Variants in ERBIN observed in about 807,000 individuals in gnomAD.
ERBIN encodes densin-180-like protein.
Under a neutral mutation model 158.4 loss-of-function variants are expected in ERBIN, and 60 were observed. That is an observed-to-expected ratio of 0.38 (90% confidence interval 0.31 to 0.47). The LOEUF (loss-of-function observed/expected upper bound fraction) is 0.47. Among genes scored for constraint, ERBIN ranks in the 20% least tolerant of loss-of-function variants. The pLI is 0.99. For synonymous variants in ERBIN, 594 were observed against 557.2 expected (o/e 1.07, Z -0.93); for missense variants, 1,610 against 1,648.0 (o/e 0.98, Z 0.40).
At chr5:65,980,420 T>C (rs1580238109) in intron 1 of ERBIN, among the ~76,000 whole-genome samples, 1 of 151,990 alleles carries the variant, frequency 6.6e-6, no homozygotes, top group Non-Finnish European at 1.5e-5. Context: ...AAAGCAAGAC[T>C]CCGTCTCAAA....
At chr5:65,960,969 A>G (rs548259226) in intron 1 of ERBIN, among the ~76,000 whole-genome samples, 1 of 152,146 alleles carries the variant, frequency 6.6e-6, no homozygotes, top group South Asian at 2.1e-4. Context: ...GTTATCATGT[A>G]TTTTCAAAAT....
chr5:66,076,438 C>T (rs1761991043), intron 24 of ERBIN, 30 bp downstream of exon 24: 1 of 1,493,078 alleles, frequency 6.7e-7, no homozygotes, highest in Non-Finnish European at 9.3e-7. Flanking sequence ...TCTTGAAACA[C>T]CTATAAAGTT....
chr5:65,949,916 C>G (rs951109853), intron 1 of ERBIN, among the ~76,000 whole-genome samples: 1 of 152,172 alleles, frequency 6.6e-6, no homozygotes, highest in Non-Finnish European at 1.5e-5. Flanking sequence ...AAATGATCCT[C>G]CTGCCTAGGT....
At chr5:65,987,917 T>C (rs1451654503) in intron 1 of ERBIN, among the ~76,000 whole-genome samples, 2 of 151,980 alleles carry the variant, frequency 1.3e-5, no homozygotes, top group African/African-American at 4.8e-5. Context: ...CATAGAACTA[T>C]GAAAAATTAC....
At chr5:65,970,018 G>A (rs570747761) in intron 1 of ERBIN, among the ~76,000 whole-genome samples, 1 of 152,226 alleles carries the variant, frequency 6.6e-6, no homozygotes, top group East Asian at 1.9e-4. Flanking sequence ...TATATTGAGT[G>A]GTTTCACTTT....
intron 14 of ERBIN, among the ~76,000 whole-genome samples, chr5:66,034,781 T>C (rs940600713): frequency 6.6e-5 from 10 of 152,206 alleles, no homozygotes; most frequent in African/African-American, 1.9e-4. Context: ...CAATGTAATA[T>C]AGAGAAAGCA....
At chr5:65,992,488 A>C (rs1751983625) in intron 2 of ERBIN, among the ~76,000 whole-genome samples, 1 of 152,192 alleles carries the variant, frequency 6.6e-6, no homozygotes, top group South Asian at 2.1e-4. Flanking sequence ...TGGCTACTTC[A>C]TGGATTGCTT....
intron 21 of ERBIN, among the ~76,000 whole-genome samples, chr5:66,063,499 ATGCCTCACCCTGCTTCGGC>A (rs1760669863): frequency 2.0e-5 from 3 of 152,202 alleles, no homozygotes; most frequent in Non-Finnish European, 4.4e-5. Context: ...AGGTGAGGCG[ATGCCTCACCCTGCTTCGGC>A]TCAGGCATGG....
chr5:66,037,396 G>C (rs1757500662), intron 14 of ERBIN, among the ~76,000 whole-genome samples: 1 of 152,110 alleles, frequency 6.6e-6, no homozygotes, highest in South Asian at 2.1e-4. Context: ...CTCACCTCCT[G>C]ACTTGGGGTG....
intron 18 of ERBIN, among the ~76,000 whole-genome samples, chr5:66,047,122 C>T (rs1033829907): frequency 4.6e-5 from 7 of 152,070 alleles, no homozygotes; most frequent in African/African-American, 1.7e-4. Context: ...TTACCTGTTA[C>T]TCCTCACTCT....
intron 7 of ERBIN, 110 bp from the exon 8 acceptor site, chr5:66,021,212 G>A: frequency 1.9e-6 from 1 of 539,734 alleles, no homozygotes; most frequent in Non-Finnish European, 3.2e-6. Flanking sequence ...GTCAACATGT[G>A]AAAGCCCATA....
At chr5:66,053,178 G>T (rs1175056400) in intron 20 of ERBIN, among the ~76,000 whole-genome samples, 1 of 151,958 alleles carries the variant, frequency 6.6e-6, no homozygotes, top group African/African-American at 2.4e-5. Flanking sequence ...ATTAATCTTG[G>T]TATTATCTAT....
At chr5:66,002,653 A>G (rs1376007492) in intron 4 of ERBIN, among the ~76,000 whole-genome samples, 1 of 152,194 alleles carries the variant, frequency 6.6e-6, no homozygotes, top group African/African-American at 2.4e-5. Flanking sequence ...GGAAGAGTGA[A>G]TTGAAAGTTT....
chr5:65,982,920 G>A (rs756996942), intron 1 of ERBIN, among the ~76,000 whole-genome samples: 1 of 152,192 alleles, frequency 6.6e-6, no homozygotes, highest in Non-Finnish European at 1.5e-5. Context: ...TGACTGGGAA[G>A]GGGCAAGTGT....
At chr5:66,061,425 G>C (rs968662863) in intron 21 of ERBIN, among the ~76,000 whole-genome samples, 4 of 152,002 alleles carry the variant, frequency 2.6e-5, no homozygotes, top group African/African-American at 9.7e-5. Flanking sequence ...TTTGTTTTGA[G>C]CCTATGTGTG....
intron 2 of ERBIN, 49 bp from the exon 3 acceptor site, chr5:65,992,661 A>G (rs964108647): frequency 3.0e-6 from 4 of 1,348,890 alleles, no homozygotes; most frequent in Admixed American, 4.6e-5. Context: ...GTTCTGAAAA[A>G]CCGTTGTAAT....
chr5:66,062,785 T>TG (rs1760556235), intron 21 of ERBIN, among the ~76,000 whole-genome samples: 1 of 152,246 alleles, frequency 6.6e-6, no homozygotes, highest in East Asian at 1.9e-4. Flanking sequence ...GCAGGTCTGT[T>TG]GGAGTTGACT....
chr5:66,077,212 ATT>A (rs1440595214), intron 25 of ERBIN, among the ~76,000 whole-genome samples: 3 of 151,938 alleles, frequency 2.0e-5, no homozygotes, highest in Non-Finnish European at 4.4e-5. Context: ...AGGAATGTTA[ATT>A]TTTACTAATT....
intron 1 of ERBIN, among the ~76,000 whole-genome samples, chr5:65,946,860 T>C (rs903958634): frequency 2.0e-5 from 3 of 151,974 alleles, no homozygotes; most frequent in African/African-American, 7.3e-5. Flanking sequence ...TGGTATTTCA[T>C]GTTAGCCTTT....
Sources: gnomAD v4.1 joint callset for allele counts (sites outside exome capture counted in the v4.1 genomes callset) on GRCh38, gnomAD v4.1.1 for gene constraint, MANE v1.5 for transcripts, NCBI Gene and HGNC (gene_info 2026-07-23, HGNC 2026-07-21) for gene names.